The following EPB41L4B variants were observed in gnomAD, a reference collection of about 807,000 sequenced individuals.
EPB41L4B encodes the protein band 4.1-like protein 4B.
A neutral mutation model predicts 112.5 loss-of-function variants in EPB41L4B; 30 were observed. The observed-to-expected ratio is 0.27, with a 90% confidence interval of 0.20 to 0.36. The LOEUF (loss-of-function observed/expected upper bound fraction) is 0.36, where lower values mean the gene tolerates loss of function less well. Ranked by LOEUF, EPB41L4B falls within the 10% of genes least tolerant of loss-of-function variation. EPB41L4B has a pLI of 1.00. For synonymous variants in EPB41L4B, 408 were observed against 439.7 expected (o/e 0.93, Z 0.90); for missense variants, 1,024 against 1,133.3 (o/e 0.90, Z 1.38).
intron 1 of EPB41L4B, among the ~76,000 whole-genome samples, chr9:109,282,266 G>A (rs1214702188): frequency 6.6e-6 from 1 of 152,038 alleles, no homozygotes; most frequent in African/African-American, 2.4e-5. Context: ...GCTAAGGGGA[G>A]TACAGTTATT....
At chr9:109,263,790 C>T (rs1383171957) in intron 5 of EPB41L4B, among the ~76,000 whole-genome samples, 1 of 152,180 alleles carries the variant, frequency 6.6e-6, no homozygotes, top group African/African-American at 2.4e-5. Context: ...GCCCCCCCGA[C>T]CCATCTCCCA....
intron 15 of EPB41L4B, among the ~76,000 whole-genome samples, chr9:109,226,570 T>C (rs1372856482): frequency 1.4e-5 from 2 of 148,044 alleles, no homozygotes; most frequent in Non-Finnish European, 3.0e-5. Flanking sequence ...GGATTGCCCA[T>C]GACTTATATA....
chr9:109,255,936 C>T (rs374713319), intron 9 of EPB41L4B, 93 bp from the exon 10 acceptor site: 1 of 1,324,812 alleles, frequency 7.5e-7, no homozygotes. Flanking sequence ...AAAGCTTAGA[C>T]TAAAAAAAAA....
Position 109,217,093 on chromosome 9 carries a change from T to C in EPB41L4B, c.1462A>G (p.Ile488Val). The C allele has an allele frequency of 6.2e-7, 1 of 1,614,178 alleles. No homozygotes were observed. The highest frequency in any genetic ancestry group is 8.5e-7 in the Non-Finnish European group (1 of 1,180,036). Residue 488 changes from isoleucine to valine, a missense_variant, in exon 16 of 26, where the codon ATT becomes GTT. Coordinates refer to ENST00000374566, the MANE Select transcript of EPB41L4B (RefSeq NM_019114.5). Reference protein sequence around the residue: ...LSSSDRLPFGIEENGGTPFLT... With the variant: ...LSSSDRLPFGVEENGGTPFLT... ...AACGGTGTGCCCCCATTCTCCTCAA[T>C]GCCAAAAGGCAACCGGTCCGAGCTG...
chr9:109,256,574 AT>A, intron 7 of EPB41L4B, 94 bp from the exon 8 acceptor site: 1 of 1,046,058 alleles, frequency 9.6e-7, no homozygotes, highest in Non-Finnish European at 1.4e-6. Context: ...TTATGCAGCA[AT>A]TAAAGCAATG....
chr9:109,293,556 G>GT (rs1410460340), intron 1 of EPB41L4B, among the ~76,000 whole-genome samples: 1 of 151,610 alleles, frequency 6.6e-6, no homozygotes, highest in Non-Finnish European at 1.5e-5. Flanking sequence ...CTAATTTTTT[G>GT]TATTTTTAGT....
Position 109,255,814 on chromosome 9 carries a change from T to C in EPB41L4B, c.959A>G (p.Lys320Arg). Reference protein sequence around the residue: ...WPKITKMDFKKSKLTLVVVED... With the variant: ...WPKITKMDFKRSKLTLVVVED... ...GACCACCACGAGTGTCAATTTGCTC[T>C]TTTTAAAATCCATTTTGGTAATTTT... Residue 320 changes from lysine (K) to arginine (R), a missense_variant, in exon 10 of 26, where the codon AAG becomes AGG. By Grantham distance (26) the Lys-to-Arg change is conservative (BLOSUM62 2). Coordinates refer to ENST00000374566, the MANE Select transcript of EPB41L4B (RefSeq NM_019114.5). 2 of 1,613,862 alleles carry C rather than the reference T, an allele frequency of 1.2e-6. No individual in the cohort carries two copies. The highest frequency in any genetic ancestry group is 1.7e-6 in the Non-Finnish European group (2 of 1,179,940).
rs1837849605 is a variant in EPB41L4B at position 109,320,851 on chromosome 9, G to A, written c.-405C>T. The A allele has an allele frequency of 6.8e-6, 1 of 146,694 alleles. No homozygotes were observed. Among genetic ancestry groups the A allele is most frequent in the Non-Finnish European group, 1.5e-5 (1 of 65,810 alleles). The allele number at this position is 146,694 out of a possible 1,614,324, so 9.1% of individuals were successfully genotyped here. On this transcript the variant is annotated 5_prime_UTR_variant, in exon 1 of 26. Coordinates refer to ENST00000374566, the MANE Select transcript of EPB41L4B (RefSeq NM_019114.5). ...GCTCCCGCGCCGCGCGCCGGCCGAG[G>A]GCCAGCCGGAGCAGGGCGCCTGCGT...
intron 13 of EPB41L4B, 41 bp downstream of exon 13, chr9:109,251,440 T>A (rs372414138): frequency 6.6e-5 from 105 of 1,588,996 alleles, no homozygotes; most frequent in Non-Finnish European, 8.7e-5. Context: ...AATACGATCC[T>A]TAGAGAGGAG....
intron 15 of EPB41L4B, among the ~76,000 whole-genome samples, chr9:109,220,469 T>C (rs1391322034): frequency 6.6e-6 from 1 of 152,196 alleles, no homozygotes; most frequent in Admixed American, 6.5e-5. Flanking sequence ...TATCTCTCTG[T>C]TAGGAGACTG....
At chr9:109,249,740 A>C (rs556649817) in intron 13 of EPB41L4B, among the ~76,000 whole-genome samples, 4 of 152,264 alleles carry the variant, frequency 2.6e-5, no homozygotes, top group African/African-American at 9.6e-5. Flanking sequence ...GAAGGATCCT[A>C]AAAATGGGGT....
Position 109,213,816 on chromosome 9 carries a change from G to A in EPB41L4B, c.1636C>T (p.Leu546=), listed in dbSNP as rs764851929. 3.4e-5 allele frequency: 55 copies of A among 1,613,430 alleles called. No individual in the cohort carries two copies. Among genetic ancestry groups the A allele is most frequent in the Non-Finnish European group, 4.4e-5 (52 of 1,179,336 alleles). Residue 546 remains leucine, a splice_region_variant and synonymous_variant, in exon 17 of 26, where the codon CTG becomes TTG. Transcript: ENST00000374566. ...PNSSSKSLTK[L]SPGTPALFSE... ...AACAAGGCAGGTGTTCCTGGACTCA[G>A]TTCTACAAAGCAGCCAGGAGAAATA...
At chr9:109,289,529 C>T (rs1836445800) in intron 1 of EPB41L4B, among the ~76,000 whole-genome samples, 2 of 152,246 alleles carry the variant, frequency 1.3e-5, no homozygotes, top group African/African-American at 4.8e-5. Flanking sequence ...GGAGAATCCT[C>T]AGTTCCTACA....
intron 4 of EPB41L4B, among the ~76,000 whole-genome samples, chr9:109,265,846 G>C (rs1057490446): frequency 6.6e-6 from 1 of 152,216 alleles, no homozygotes; most frequent in Non-Finnish European, 1.5e-5. Context: ...AGGAATCTGA[G>C]CTGTTCAAAA....
intron 17 of EPB41L4B, among the ~76,000 whole-genome samples, chr9:109,209,155 A>C (rs1833076716): frequency 6.6e-6 from 1 of 152,190 alleles, no homozygotes; most frequent in Admixed American, 6.5e-5. Context: ...GTTGGTACAC[A>C]CTAAGTGCTA....
intron 17 of EPB41L4B, among the ~76,000 whole-genome samples, chr9:109,213,434 C>T (rs1259922425): frequency 1.3e-5 from 2 of 152,150 alleles, no homozygotes; most frequent in African/African-American, 4.8e-5. Flanking sequence ...AGCTTTCGGT[C>T]TAGTAGGAGG....
At chr9:109,256,559 G>T in intron 7 of EPB41L4B, 79 bp from the exon 8 acceptor site, 2 of 1,230,884 alleles carry the variant, frequency 1.6e-6, no homozygotes, top group Non-Finnish European at 2.3e-6. Context: ...CCTTACTATG[G>T]AACGTTATGC....
intron 15 of EPB41L4B, among the ~76,000 whole-genome samples, chr9:109,234,084 A>G (rs1053651971): frequency 7.1e-6 from 1 of 140,626 alleles, no homozygotes; most frequent in African/African-American, 2.6e-5. Flanking sequence ...TCTGGATTTT[A>G]CCCATCAGAC....
intron 17 of EPB41L4B, among the ~76,000 whole-genome samples, chr9:109,209,775 C>T (rs7026102): frequency 0.51 from 78,167 of 152,056 alleles, 20,965 homozygotes; most frequent in African/African-American, 0.65. Flanking sequence ...TCCCCTCATG[C>T]AACCATCTCA....
Sources: gnomAD v4.1 joint callset for allele counts (sites outside exome capture counted in the v4.1 genomes callset) on GRCh38, gnomAD v4.1.1 for gene constraint, MANE v1.5 for transcripts, NCBI Gene and HGNC (gene_info 2026-07-23, HGNC 2026-07-21) for gene names.